The following EFCAB11 variants were observed in gnomAD, a reference collection of about 807,000 sequenced individuals.
The protein encoded by EFCAB11 is EF-hand calcium-binding domain-containing protein 11.
A neutral mutation model predicts 23.0 loss-of-function variants in EFCAB11; 14 were observed. The ratio of observed to expected loss-of-function variants is 0.61; its 90% CI spans 0.40 to 0.95. The LOEUF (loss-of-function observed/expected upper bound fraction) is 0.95. Among genes scored for constraint, EFCAB11 ranks in the 40% least tolerant of loss-of-function variants. EFCAB11 has a pLI of 0.00. For missense variants in EFCAB11, 198 were observed against 195.8 expected (o/e 1.01, Z -0.07); for synonymous variants, 65 against 66.6 (o/e 0.98, Z 0.11).
At chr14:89,850,341 T>C (rs1407754733) in intron 5 of EFCAB11, among the ~76,000 whole-genome samples, 1 of 152,216 alleles carries the variant, frequency 6.6e-6, no homozygotes, top group Non-Finnish European at 1.5e-5. Flanking sequence ...TACCTTGGCA[T>C]TCCGAATGTT....
At chr14:89,839,128 G>C (rs1020430345) in intron 5 of EFCAB11, among the ~76,000 whole-genome samples, 7 of 152,252 alleles carry the variant, frequency 4.6e-5, no homozygotes, top group South Asian at 2.1e-4. Flanking sequence ...GGGAAACAAT[G>C]GACTCCGAAC....
intron 5 of EFCAB11, among the ~76,000 whole-genome samples, chr14:89,855,321 C>G (rs1887720386): frequency 6.6e-6 from 1 of 151,760 alleles, no homozygotes; most frequent in Non-Finnish European, 1.5e-5. Context: ...ACAAAAAATA[C>G]AAAAATTAGC....
intron 5 of EFCAB11, among the ~76,000 whole-genome samples, chr14:89,916,092 C>A (rs939975677): frequency 6.6e-6 from 1 of 151,770 alleles, no homozygotes. Context: ...AAAATAAATA[C>A]CCCTGAAGAA....
intron 5 of EFCAB11, among the ~76,000 whole-genome samples, chr14:89,865,104 GC>G (rs1434691335): frequency 6.6e-6 from 1 of 152,180 alleles, no homozygotes; most frequent in Non-Finnish European, 1.5e-5. Flanking sequence ...TGCAGTCAGT[GC>G]TGCATCCTTG....
At chr14:89,948,290 T>A (rs916682807) in intron 3 of EFCAB11, among the ~76,000 whole-genome samples, 2 of 152,176 alleles carry the variant, frequency 1.3e-5, no homozygotes, top group African/African-American at 4.8e-5. Flanking sequence ...TAATATCATC[T>A]CACCACAGTT....
At chr14:89,900,637 T>C (rs1889311616) in intron 5 of EFCAB11, among the ~76,000 whole-genome samples, 2 of 152,294 alleles carry the variant, frequency 1.3e-5, no homozygotes, top group African/African-American at 2.4e-5. Context: ...TGGAGATAGA[T>C]ACTAAATGTG....
rs555259242 is a variant in EFCAB11 at position 89,815,786 on chromosome 14, G to A, written c.411-18462C>T. On this transcript the variant is annotated intron_variant, in intron 5 of 5. Coordinates refer to ENST00000316738, the MANE Select transcript of EFCAB11 (RefSeq NM_145231.4). ...AATTTGAGTTTTGGGCAATGGTGAG[G>A]AAATAAACTGATGGAAGAAAGTGAG... Among the ~76,000 whole-genome samples, 6 of 152,272 alleles carry A rather than the reference G, an allele frequency of 3.9e-5. No individual in the cohort carries two copies. In the East Asian group the frequency reaches 1.2e-3, roughly 29 times the overall value.
chr14:89,904,156 T>C (rs1889422284), intron 5 of EFCAB11, among the ~76,000 whole-genome samples: 1 of 151,930 alleles, frequency 6.6e-6, no homozygotes, highest in Admixed American at 6.6e-5. Context: ...GGCCCTGGTG[T>C]GTGATGTTCC....
intron 5 of EFCAB11, among the ~76,000 whole-genome samples, chr14:89,868,371 A>G (rs1888162277): frequency 6.6e-6 from 1 of 152,236 alleles, no homozygotes; most frequent in Non-Finnish European, 1.5e-5. Context: ...GTACAGGACT[A>G]TGTGGTCCTC....
At chr14:89,847,735 G>A (rs1161398553) in intron 5 of EFCAB11, among the ~76,000 whole-genome samples, 3 of 77,694 alleles carry the variant, frequency 3.9e-5, no homozygotes, top group Non-Finnish European at 7.5e-5. Context: ...GAGAAACTCT[G>A]TCTCACAAAA....
intron 5 of EFCAB11, among the ~76,000 whole-genome samples, chr14:89,800,462 C>T (rs1212334384): frequency 6.6e-6 from 1 of 152,168 alleles, no homozygotes; most frequent in East Asian, 1.9e-4. Context: ...ATGCAGAACA[C>T]TGGGTACACA....
At chr14:89,822,783 T>C (rs539350943) in intron 5 of EFCAB11, among the ~76,000 whole-genome samples, 23 of 152,218 alleles carry the variant, frequency 1.5e-4, no homozygotes, top group African/African-American at 2.2e-4. Context: ...CATTATTCAA[T>C]AGACACCACA....
chr14:89,895,521 GA>G (rs1290444879), intron 5 of EFCAB11, among the ~76,000 whole-genome samples: 1 of 152,128 alleles, frequency 6.6e-6, no homozygotes, highest in African/African-American at 2.4e-5. Context: ...GAAAACACAG[GA>G]GCAGAGGCAG....
intron 5 of EFCAB11, among the ~76,000 whole-genome samples, chr14:89,929,999 T>G (rs765416735): frequency 2.6e-5 from 4 of 152,244 alleles, no homozygotes; most frequent in Non-Finnish European, 4.4e-5. Context: ...AATTTTTAGT[T>G]CCTTTGTTAA....
chr14:89,815,676 G>A (rs967432551), intron 5 of EFCAB11, among the ~76,000 whole-genome samples: 1 of 151,990 alleles, frequency 6.6e-6, no homozygotes, highest in Non-Finnish European at 1.5e-5. Flanking sequence ...CACCCGCCTC[G>A]GCCTCCCAAA....
intron 5 of EFCAB11, among the ~76,000 whole-genome samples, chr14:89,909,705 T>G (rs752941344): frequency 3.3e-5 from 5 of 152,202 alleles, no homozygotes; most frequent in Non-Finnish European, 7.4e-5. Context: ...TGCCTATCTC[T>G]CCAGTCTCAT....
chr14:89,904,140 CT>C (rs1414581417), intron 5 of EFCAB11, among the ~76,000 whole-genome samples: 1 of 152,096 alleles, frequency 6.6e-6, no homozygotes, highest in Non-Finnish European at 1.5e-5. Context: ...ACCCTACCCC[CT>C]GACCGGCCCT....
At chr14:89,847,741 C>CAAAA (rs561016492) in intron 5 of EFCAB11, among the ~76,000 whole-genome samples, 21 of 91,768 alleles carry the variant, frequency 2.3e-4, no homozygotes, top group South Asian at 8.7e-4. Flanking sequence ...CTCTGTCTCA[C>CAAAA]AAAAAAAAAA....
At chr14:89,882,729 C>CT (rs752962644) in intron 5 of EFCAB11, among the ~76,000 whole-genome samples, 3 of 152,180 alleles carry the variant, frequency 2.0e-5, no homozygotes, top group Non-Finnish European at 2.9e-5. Flanking sequence ...GGCTCAGTTA[C>CT]ATATAATATA....
Sources: gnomAD v4.1 joint callset for allele counts (sites outside exome capture counted in the v4.1 genomes callset) on GRCh38, gnomAD v4.1.1 for gene constraint, MANE v1.5 for transcripts, NCBI Gene and HGNC (gene_info 2026-07-23, HGNC 2026-07-21) for gene names.